The following PBX4 variants were observed in gnomAD, a reference collection of about 807,000 sequenced individuals.
The protein encoded by PBX4 is PBX homeobox 4.
In PBX4, 26 loss-of-function variants were observed where a neutral mutation model predicts 35.1. That is an observed-to-expected ratio of 0.74 (90% CI 0.54 to 1.03). The LOEUF is 1.03. PBX4 is among the 50% of genes least tolerant of loss of function. PBX4 has a pLI of 0.00. For missense variants in PBX4, 448 were observed against 504.3 expected (o/e 0.89, Z 1.07); for synonymous variants, 199 against 204.2 (o/e 0.97, Z 0.22).
chr19:19,586,555 G>C (rs555326776), intron 2 of PBX4, among the ~76,000 whole-genome samples: 2 of 152,134 alleles, frequency 1.3e-5, no homozygotes, highest in South Asian at 4.2e-4. Context: ...GTAATATATA[G>C]TGCTGTAATA....
chr19:19,596,600 G>A (rs1438541978), intron 2 of PBX4, among the ~76,000 whole-genome samples: 1 of 152,068 alleles, frequency 6.6e-6, no homozygotes, highest in East Asian at 1.9e-4. Flanking sequence ...TACTCTGAAA[G>A]GAATCAGGGC....
At position 19,582,726 on chromosome 19, in the gene PBX4, A is replaced by C. The variant is rs576711616; in HGVS notation, c.194-11893T>G. Among the ~76,000 whole-genome samples, 6 of 152,156 alleles carry C rather than the reference A, an allele frequency of 3.9e-5. No individual in the cohort carries two copies. In the South Asian group the frequency reaches 1.2e-3, roughly 32 times the overall value. ...AGGGTCTAACTGAGCTGATTAACAC[A>C]AGAAGCCTGCTTCTCTTTCAGCTAA... On this transcript the variant is annotated intron_variant, in intron 2 of 7. Coordinates refer to ENST00000251203, the MANE Select transcript of PBX4 (RefSeq NM_025245.3).
intron 1 of PBX4, among the ~76,000 whole-genome samples, chr19:19,618,122 C>T (rs1027203320): frequency 1.3e-5 from 2 of 152,144 alleles, no homozygotes; most frequent in Non-Finnish European, 2.9e-5. Context: ...GATCACGCCA[C>T]TGCACTCCAG....
Position 19,593,127 on chromosome 19 carries a change from T to TACTGTGTTGCCCAGGTTGGTCTC in PBX4, c.193+6142_193+6164dup, listed in dbSNP as rs1190449997. 3.3e-5 allele frequency among the ~76,000 whole-genome samples: 5 copies of TACTGTGTTGCCCAGGTTGGTCTC among 152,330 alleles called. No individual in the cohort carries two copies. In the East Asian group the frequency reaches 9.6e-4, roughly 29 times the overall value. On this transcript the variant is annotated intron_variant, in intron 2 of 7. Coordinates refer to ENST00000251203, the MANE Select transcript of PBX4 (RefSeq NM_025245.3). ...TGTTGTTGTTGTAGAGACAGGGTCT[T>TACTGTGTTGCCCAGGTTGGTCTC]ACTGTGTTGCCCAGGTTGGTCTCAT...
chr19:19,603,895 G>T (rs2061612831), intron 1 of PBX4, among the ~76,000 whole-genome samples: 1 of 149,084 alleles, frequency 6.7e-6, no homozygotes, highest in South Asian at 2.1e-4. Context: ...CCAGGGGGTG[G>T]AGGTTGCAGT....
chr19:19,618,206 C>T (rs1043461513), intron 1 of PBX4, among the ~76,000 whole-genome samples: 1 of 152,036 alleles, frequency 6.6e-6, no homozygotes, highest in Non-Finnish European at 1.5e-5. Context: ...ATTAACGTAC[C>T]CATTTAGTCA....
intron 1 of PBX4, among the ~76,000 whole-genome samples, chr19:19,613,445 C>CAAAA (rs57256131): frequency 1.8e-5 from 2 of 113,620 alleles, no homozygotes; most frequent in East Asian, 2.9e-4. Context: ...GACTCTGTCT[C>CAAAA]AAAAAAAAAA....
intron 1 of PBX4, among the ~76,000 whole-genome samples, chr19:19,611,834 C>T (rs1339235490): frequency 6.6e-6 from 1 of 152,052 alleles, no homozygotes; most frequent in East Asian, 1.9e-4. Flanking sequence ...GCTCCTAAAA[C>T]ATTATAACAG....
rs1441512163 is a variant in PBX4, at chr19:19,562,725, G to T, written c.1033-608C>A. Among the ~76,000 whole-genome samples, 1 of 152,184 alleles carries T rather than the reference G, an allele frequency of 6.6e-6. No individual in the cohort carries two copies. Among genetic ancestry groups the T allele is most frequent in the Non-Finnish European group, 1.5e-5 (1 of 68,038 alleles). Reference sequence around the variant, plus strand: ...CGTGAGTGTGGGAGCAGCTCAGACGGGTGCACCACCTGGGGGCACTCTGCT... The same window carrying T: ...CGTGAGTGTGGGAGCAGCTCAGACGTGTGCACCACCTGGGGGCACTCTGCT... On this transcript the variant is annotated intron_variant, in intron 7 of 7. Coordinates refer to ENST00000251203, the MANE Select transcript of PBX4 (RefSeq NM_025245.3). This position sits in a 1 kb window ranked among gnomAD's most constrained non-coding sequence, Gnocchi z 4.8.
intron 2 of PBX4, among the ~76,000 whole-genome samples, chr19:19,596,911 C>CA (rs57080281): frequency 0.27 from 25,938 of 96,638 alleles, 3,010 homozygotes; most frequent in East Asian, 0.36. Flanking sequence ...ACCCTGTCTC[C>CA]AAAAAAAAAA....
At chr19:19,615,213 G>A (rs58847337) in intron 1 of PBX4, among the ~76,000 whole-genome samples, 15,063 of 148,968 alleles carry the variant, frequency 0.1, 884 homozygotes, top group African/African-American at 0.16. Context: ...CAGGCGTGGT[G>A]GCACAGGCCT....
intron 2 of PBX4, among the ~76,000 whole-genome samples, chr19:19,580,653 T>G (rs2061448352): frequency 6.6e-6 from 1 of 152,226 alleles, no homozygotes; most frequent in Non-Finnish European, 1.5e-5. Context: ...TCATTTGTAG[T>G]GAGAGTGTTT....
At chr19:19,596,901 A>G (rs1453531001) in intron 2 of PBX4, among the ~76,000 whole-genome samples, 4 of 136,094 alleles carry the variant, frequency 2.9e-5, no homozygotes, top group Non-Finnish European at 4.7e-5. Flanking sequence ...ACAGAGTGAG[A>G]CCCTGTCTCC....
chr19:19,564,478 T>C (rs2061328554), intron 6 of PBX4, among the ~76,000 whole-genome samples: 1 of 152,180 alleles, frequency 6.6e-6, no homozygotes, highest in Non-Finnish European at 1.5e-5. Flanking sequence ...TTAGCCAGGA[T>C]GGTCTCTATC....
intron 1 of PBX4, among the ~76,000 whole-genome samples, chr19:19,603,380 T>C (rs1209103499): frequency 6.6e-6 from 1 of 152,084 alleles, no homozygotes; most frequent in Non-Finnish European, 1.5e-5. Context: ...GGTGCAATCA[T>C]GGCTCACTGC....
At chr19:19,566,474 TATA>T (rs1270859423) in intron 5 of PBX4, among the ~76,000 whole-genome samples, 1 of 152,136 alleles carries the variant, frequency 6.6e-6, no homozygotes, top group Admixed American at 6.5e-5. Context: ...AAACGTATAG[TATA>T]ATAACACACA....
Position 19,563,761 on chromosome 19 carries a change from A to G in PBX4, c.926-146T>C. On this transcript the variant is annotated intron_variant, in intron 6 of 7. Transcript: ENST00000251203. This position sits in a 1 kb window ranked among gnomAD's most constrained non-coding sequence, Gnocchi z 5.1. The stretch of plus-strand genomic sequence containing the variant: ...TCTGCTCCTCAGCCCCCACCCAGGC[A>G]GGCCAGCGGGCCCTCCCCACCACAC... The G allele has an allele frequency of 1.4e-6, 1 of 700,794 alleles. No homozygotes were observed. Among genetic ancestry groups the G allele is most frequent in the Non-Finnish European group, 2.6e-6 (1 of 389,834 alleles). The allele number at this position is 700,794 out of a possible 1,614,324, so 43.4% of individuals were successfully genotyped here.
At chr19:19,586,930 C>CAA (rs200734559) in intron 2 of PBX4, among the ~76,000 whole-genome samples, 4 of 151,274 alleles carry the variant, frequency 2.6e-5, no homozygotes, top group Admixed American at 2.0e-4. Flanking sequence ...GATTCCGTCT[C>CAA]AAAAAAAGAA....
intron 2 of PBX4, among the ~76,000 whole-genome samples, chr19:19,574,757 C>G (rs1568382308): frequency 1.3e-5 from 2 of 152,020 alleles, no homozygotes; most frequent in African/African-American, 4.8e-5. Flanking sequence ...ACCTCAGCCT[C>G]CCGAGTAGCT....
Sources: gnomAD v4.1 joint callset for allele counts (sites outside exome capture counted in the v4.1 genomes callset) on GRCh38, gnomAD v4.1.1 for gene constraint, Gnocchi (gnomAD v3.1) non-coding constraint, MANE v1.5 for transcripts, NCBI Gene and HGNC (gene_info 2026-07-23, HGNC 2026-07-21) for gene names.